CD6: variants seen among roughly 807,000 people sequenced by gnomAD.
CD6 encodes the protein CD6 molecule, also known as T-cell differentiation antigen CD6.
Under a neutral mutation model 75.3 loss-of-function variants are expected in CD6, and 53 were observed. The ratio of observed to expected loss-of-function variants is 0.70; its 90% confidence interval spans 0.56 to 0.88. The LOEUF (loss-of-function observed/expected upper bound fraction) is 0.88. Ranked by LOEUF, CD6 falls within the 40% of genes least tolerant of loss-of-function variation. The probability of loss-of-function intolerance (pLI) is 0.00; values close to 1 mark genes in which losing one functional copy is unlikely to be tolerated. For synonymous variants in CD6, 359 were observed against 381.5 expected (o/e 0.94, Z 0.69); for missense variants, 770 against 897.1 (o/e 0.86, Z 1.81).
intron 1 of CD6, among the ~76,000 whole-genome samples, chr11:60,992,803 C>T (rs1858121526): frequency 6.6e-6 from 1 of 151,376 alleles, no homozygotes; most frequent in Non-Finnish European, 1.5e-5. Context: ...ACTCCAGCCT[C>T]GGCGACAGTG....
intron 1 of CD6, among the ~76,000 whole-genome samples, chr11:60,981,538 C>T (rs1189187908): frequency 6.6e-6 from 1 of 152,238 alleles, no homozygotes; most frequent in African/African-American, 2.4e-5. Flanking sequence ...TTCGTTTCCC[C>T]GGCTGTAAAG....
In CD6 at chr11:61,007,520, A is replaced by G. The variant is rs74333693; in HGVS notation, c.119-40A>G. 1 of 1,392,820 alleles carries G rather than the reference A, an allele frequency of 7.2e-7. No individual in the cohort carries two copies. Among genetic ancestry groups the G allele is most frequent in the Non-Finnish European group, 9.4e-7 (1 of 1,064,536 alleles). The allele number at this position is 1,392,820 out of a possible 1,614,324, so 86.3% of individuals were successfully genotyped here. A position where few individuals can be genotyped will look rare whatever the true frequency, so the allele number is the denominator to read the frequency against. On this transcript the variant is annotated intron_variant, in intron 2 of 12. Coordinates refer to ENST00000313421, the MANE Select transcript of CD6 (RefSeq NM_006725.5). The surrounding 1 kb of genome is among the most constrained non-coding windows in gnomAD (Gnocchi z 4.2). ...GCAGAGCCTGGGCAACCCTCTGCCCAGGCCCCACCGGTCTCAGCTCTCTGG... is the reference window on the plus strand; with the variant it reads ...GCAGAGCCTGGGCAACCCTCTGCCCGGGCCCCACCGGTCTCAGCTCTCTGG...
intron 1 of CD6, among the ~76,000 whole-genome samples, chr11:60,982,079 GTT>G (rs1565142651): frequency 3.8e-5 from 4 of 105,576 alleles, no homozygotes; most frequent in South Asian, 3.8e-4. Flanking sequence ...GGGGGGGGGG[GTT>G]CTGTGCATGG....
intron 1 of CD6, among the ~76,000 whole-genome samples, chr11:60,979,695 T>C (rs1486562052): frequency 2.0e-5 from 3 of 152,242 alleles, no homozygotes; most frequent in East Asian, 1.9e-4. Context: ...CTTGAATTCC[T>C]GACCTCAGGT....
At chr11:60,996,616 A>G (rs1030243970) in intron 1 of CD6, among the ~76,000 whole-genome samples, 1 of 152,184 alleles carries the variant, frequency 6.6e-6, no homozygotes, top group Non-Finnish European at 1.5e-5. Context: ...CTTCATACAC[A>G]AGATGCACGG....
chr11:60,983,280 C>A (rs1230345108), intron 1 of CD6, among the ~76,000 whole-genome samples: 3 of 151,852 alleles, frequency 2.0e-5, no homozygotes, highest in African/African-American at 2.4e-5. Context: ...TTAGTAGAGA[C>A]GGGGTTTCAC....
intron 1 of CD6, among the ~76,000 whole-genome samples, chr11:60,997,543 A>G (rs1590697204): frequency 6.6e-6 from 1 of 152,076 alleles, no homozygotes; most frequent in East Asian, 1.9e-4. Context: ...ATCAATAAAA[A>G]AATTCTTAAT....
At chr11:61,009,469 G>A (rs1371713713) in intron 4 of CD6, 103 bp from the exon 5 acceptor site, 6 of 1,060,110 alleles carry the variant, frequency 5.7e-6, no homozygotes, top group African/African-American at 3.2e-5. Context: ...AAGATCTGGA[G>A]ACCAAATGGC....
chr11:60,975,226 A>G (rs747052574), intron 1 of CD6, among the ~76,000 whole-genome samples: 6 of 152,224 alleles, frequency 3.9e-5, no homozygotes, highest in Non-Finnish European at 5.9e-5. Context: ...TTAAATAATA[A>G]ATACCCTTAC....
At chr11:61,000,462 A>C (rs1858529744) in intron 1 of CD6, among the ~76,000 whole-genome samples, 1 of 152,152 alleles carries the variant, frequency 6.6e-6, no homozygotes. Flanking sequence ...CTCAACGAGC[A>C]TTCAGGATGC....
intron 1 of CD6, among the ~76,000 whole-genome samples, chr11:61,003,578 T>C (rs1478377720): frequency 2.6e-5 from 4 of 151,962 alleles, no homozygotes; most frequent in Admixed American, 6.6e-5. Context: ...ACAAAAAATA[T>C]ACAAAAATTA....
intron 7 of CD6, 117 bp downstream of exon 7, chr11:61,013,680 C>T (rs1477589464): frequency 3.4e-6 from 4 of 1,174,212 alleles, no homozygotes; most frequent in Non-Finnish European, 4.9e-6. Flanking sequence ...TGGGGAGATC[C>T]CCAAGGTGGA....
chr11:60,996,345 C>T (rs1858292571), intron 1 of CD6, among the ~76,000 whole-genome samples: 1 of 152,066 alleles, frequency 6.6e-6, no homozygotes, highest in African/African-American at 2.4e-5. Context: ...CCCCAGATGC[C>T]CGAGATAAGT....
Position 61,018,635 on chromosome 11 carries a change from T to C in CD6, c.1942+242T>C, listed in dbSNP as rs1167512719. On this transcript the variant is annotated intron_variant, in intron 12 of 12. Coordinates refer to ENST00000313421, the MANE Select transcript of CD6 (RefSeq NM_006725.5). ...GAATTTACGACTAGCCCCGGGAACA[T>C]AGCAAGACCAGTCTCTACAAAACTA... The C allele has an allele frequency of 7.7e-6, 4 of 517,546 alleles. No individual in the cohort carries two copies. The Admixed American group carries it at 9.5e-5, about 12-fold the overall frequency. 32.1% of individuals were successfully genotyped at this position (517,546 alleles called of 1,614,324 possible).
At position 61,017,796 on chromosome 11, in the gene CD6, C is replaced by T; in HGVS notation, c.1620C>T (p.Ala540=). Reference sequence around the variant, plus strand: ...TGCATGCCTCCCACATCCCAACTGCCAACCCTGGACACTGCATTACAGACC... The same window carrying T: ...TGCATGCCTCCCACATCCCAACTGCTAACCCTGGACACTGCATTACAGACC... ...EELHASHIPT[A]NPGHCITDPP... Residue 540 remains alanine (A), a synonymous_variant, in exon 11 of 13, where the codon GCC becomes GCT. Coordinates refer to ENST00000313421, the MANE Select transcript of CD6 (RefSeq NM_006725.5). 3 of 1,614,126 alleles carry T rather than the reference C, an allele frequency of 1.9e-6. No individual in the cohort carries two copies. Among genetic ancestry groups the T allele is most frequent in the Non-Finnish European group, 2.5e-6 (3 of 1,180,014 alleles).
chr11:60,983,165 C>T (rs897370796), intron 1 of CD6, among the ~76,000 whole-genome samples: 5 of 151,034 alleles, frequency 3.3e-5, no homozygotes, highest in African/African-American at 1.2e-4. Context: ...GTTGTGATCT[C>T]GGCTCACTGC....
chr11:61,018,628 G>A (rs764765428), intron 12 of CD6: 22 of 531,104 alleles, frequency 4.1e-5, no homozygotes, highest in South Asian at 2.6e-4. Context: ...GACTAGCCCC[G>A]GGAACATAGC....
In CD6 at chr11:61,019,579, C is replaced by T. The variant is rs1024319620; in HGVS notation, c.*261C>T. ...TCCAAGAGGTGTGAGCCCTCTGTCT[C>T]GGGGATGAACAAGCAGAGTCTGGGC... is the stretch of plus-strand genomic sequence containing the variant. On this transcript the variant is annotated 3_prime_UTR_variant, in exon 13 of 13. Transcript: ENST00000313421. 16 of 389,520 alleles carry T rather than the reference C, an allele frequency of 4.1e-5. No homozygotes were observed. Among genetic ancestry groups the T allele is most frequent in the Admixed American group, 1.7e-4 (4 of 23,364 alleles). 24.1% of individuals were successfully genotyped at this position (389,520 alleles called of 1,614,324 possible). A position where few individuals can be genotyped will look rare whatever the true frequency, so the allele number is the denominator to read the frequency against.
At chr11:61,012,311 G>A (rs1859187982) in intron 6 of CD6, among the ~76,000 whole-genome samples, 1 of 152,204 alleles carries the variant, frequency 6.6e-6, no homozygotes, top group South Asian at 2.1e-4. Flanking sequence ...GAGAGATCCA[G>A]GGACCACACC....
Sources: gnomAD v4.1 joint callset for allele counts (sites outside exome capture counted in the v4.1 genomes callset) on GRCh38, gnomAD v4.1.1 for gene constraint, Gnocchi (gnomAD v3.1) non-coding constraint, MANE v1.5 for transcripts, NCBI Gene and HGNC (gene_info 2026-07-23, HGNC 2026-07-21) for gene names.